Variants in USP31 observed in about 807,000 individuals in gnomAD.
The protein encoded by USP31 is ubiquitin specific peptidase 31, also known as ubiquitin carboxyl-terminal hydrolase 31.
In USP31, 44 loss-of-function variants were observed where a neutral mutation model predicts 119.4. The ratio of observed to expected loss-of-function variants is 0.37; its 90% CI spans 0.29 to 0.47. The LOEUF is 0.47. USP31 is among the 20% of genes least tolerant of loss of function. USP31 has a pLI of 0.99. For synonymous variants in USP31, 749 were observed against 705.6 expected (o/e 1.06, Z -0.97); for missense variants, 1,643 against 1,730.2 (o/e 0.95, Z 0.89).
Position 23,069,218 on chromosome 16 carries a change from C to T in USP31, c.2887G>A (p.Val963Ile), listed in dbSNP as rs752159441. The T allele has an allele frequency of 5.6e-6, 9 of 1,614,082 alleles. No homozygotes were observed. The highest frequency in any genetic ancestry group is 2.2e-5 in the East Asian group (1 of 44,894). ...SDTRRLNSSV[V>I]DTQSKHSAQG... ...GCTGAATGTTTGCTCTGTGTATCTA[C>T]GACACTGGAGTTCAATCTGCGGGTG... Residue 963 changes from valine to isoleucine, a missense_variant, in exon 16 of 16, where the codon GTA becomes ATA. Physicochemically the swap from Val to Ile is conservative, Grantham distance 29. Transcript: ENST00000219689.
Position 23,102,368 on chromosome 16 carries a change from G to T in USP31, c.1185C>A (p.Ala395=). 1 of 1,613,652 alleles carries T rather than the reference G, an allele frequency of 6.2e-7. No individual in the cohort carries two copies. The highest frequency in any genetic ancestry group is 1.1e-5 in the South Asian group (1 of 91,052). ...GCCTAAATATTTCGGGAGTCTCAAA[G>T]GCAAAAATGCAGTCGCTTTCATGGA... ...ETVHESDCIF[A]FETPEIFRPE... is the part of the protein sequence containing the mutation. The change falls in exon 6 of 16, where the codon GCC becomes GCA. Residue 395 remains alanine (A), a synonymous_variant. Transcript: ENST00000219689.
At chr16:23,146,696 C>G (rs192058351) in intron 1 of USP31, among the ~76,000 whole-genome samples, 1 of 151,854 alleles carries the variant, frequency 6.6e-6, no homozygotes. Flanking sequence ...AAGTATTAAA[C>G]GGGGAGAGAT....
chr16:23,122,820 G>T (rs191092017), intron 1 of USP31, among the ~76,000 whole-genome samples: 1 of 152,086 alleles, frequency 6.6e-6, no homozygotes, highest in African/African-American at 2.4e-5. Flanking sequence ...CTGCTAATGA[G>T]TATGGGGTTT....
intron 1 of USP31, among the ~76,000 whole-genome samples, chr16:23,129,436 G>A (rs1214847737): frequency 3.3e-5 from 5 of 152,018 alleles, no homozygotes; most frequent in Admixed American, 2.0e-4. Context: ...GCAGACAATG[G>A]CATTATCATT....
intron 1 of USP31, among the ~76,000 whole-genome samples, chr16:23,127,871 G>C (rs897646029): frequency 6.6e-6 from 1 of 152,052 alleles, no homozygotes; most frequent in Non-Finnish European, 1.5e-5. Flanking sequence ...TGTACCATAC[G>C]GTCCTAGTAG....
chr16:23,089,055 T>C (rs1373419400), intron 7 of USP31, among the ~76,000 whole-genome samples: 3 of 152,202 alleles, frequency 2.0e-5, no homozygotes, highest in Admixed American at 6.5e-5. Context: ...CACCCAACCA[T>C]ATTTTTTTAA....
chr16:23,102,625 C>G (rs547789791), intron 5 of USP31, among the ~76,000 whole-genome samples, 162 bp from the exon 6 acceptor site: 1 of 152,294 alleles, frequency 6.6e-6, no homozygotes, highest in South Asian at 2.1e-4. Context: ...CCTGGAAGCA[C>G]AGTACCCTCT....
Position 23,068,586 on chromosome 16 carries a change from G to A in USP31, c.3519C>T (p.Thr1173=). ...LGSDRASATS[T]SKPNSPRVSQ... ...TCACCCGAGGGGAATTGGGTTTGGA[G>A]GTGGAGGTGGCGCTGGCTCTGTCAG... Residue 1173 remains threonine (T), a synonymous_variant, in exon 16 of 16, where the codon ACC becomes ACT. Coordinates refer to ENST00000219689, the MANE Select transcript of USP31 (RefSeq NM_020718.4). The A allele has an allele frequency of 1.2e-6, 2 of 1,614,204 alleles. No homozygotes were observed. Among genetic ancestry groups the A allele is most frequent in the Non-Finnish European group, 1.7e-6 (2 of 1,180,046 alleles).
At chr16:23,143,059 T>A (rs531836976) in intron 1 of USP31, among the ~76,000 whole-genome samples, 7 of 152,140 alleles carry the variant, frequency 4.6e-5, no homozygotes, top group Non-Finnish European at 8.8e-5. Flanking sequence ...TCACCACTAG[T>A]CTCTTATACA....
intron 2 of USP31, 142 bp downstream of exon 2, chr16:23,107,904 T>G: frequency 1.0e-6 from 1 of 992,218 alleles, no homozygotes; most frequent in East Asian, 2.9e-5. Context: ...AAATGAAATG[T>G]CCTTTAAGTA....
At chr16:23,071,902 C>T (rs1900362741) in intron 15 of USP31, 143 bp downstream of exon 15, 1 of 1,147,708 alleles carries the variant, frequency 8.7e-7, no homozygotes, top group Middle Eastern at 2.0e-4. Context: ...TCATAACTCA[C>T]AGCTACACAG....
At position 23,065,577 on chromosome 16, in the gene USP31, C is replaced by G. The variant is rs185878722; in HGVS notation, c.*2469G>C. On this transcript the variant is annotated 3_prime_UTR_variant, in exon 16 of 16. Coordinates refer to ENST00000219689, the MANE Select transcript of USP31 (RefSeq NM_020718.4). The stretch of plus-strand genomic sequence containing the variant: ...ATGATGTCTAGACAATGCCATGATA[C>G]TTCCTGATTTTTTCTATTAAACCTG... 6.6e-6 allele frequency: 1 copy of G among 152,652 alleles called. No homozygotes were observed. The highest frequency in any genetic ancestry group is 6.5e-5 in the Admixed American group (1 of 15,296). The allele number at this position is 152,652 out of a possible 1,614,324, so 9.5% of individuals were successfully genotyped here.
rs929543600 is a variant in USP31, at chr16:23,062,640, C to T, written c.*5406G>A. 2.0e-5 allele frequency: 3 copies of T among 152,426 alleles called. No homozygotes were observed. The highest frequency in any genetic ancestry group is 7.2e-5 in the African/African-American group (3 of 41,436). The allele number at this position is 152,426 out of a possible 1,614,324, so 9.4% of individuals were successfully genotyped here. A position where few individuals can be genotyped will look rare whatever the true frequency, so the allele number is the denominator to read the frequency against. On this transcript the variant is annotated 3_prime_UTR_variant, in exon 16 of 16. Coordinates refer to ENST00000219689, the MANE Select transcript of USP31 (RefSeq NM_020718.4). ...AGCTCAGAGTGACTTCCCTATTCCC[C>T]CACGGGCCTGGGGAAAAGGTTCTGG...
At position 23,087,844 on chromosome 16, in the gene USP31, C is replaced by T. The variant is rs1901176689; in HGVS notation, c.1416-9G>A. 1 of 1,607,892 alleles carries T rather than the reference C, an allele frequency of 6.2e-7. No individual in the cohort carries two copies. The highest frequency in any genetic ancestry group is 8.5e-7 in the Non-Finnish European group (1 of 1,175,492). On this transcript the variant is annotated splice_polypyrimidine_tract_variant and intron_variant, in intron 7 of 15. Coordinates refer to ENST00000219689, the MANE Select transcript of USP31 (RefSeq NM_020718.4). ...CAAAAGGCAGTCCAAATCTAACACA[C>T]ATCAACAATGTAATCACCTTTAAAG... is the stretch of plus-strand genomic sequence containing the variant.
intron 11 of USP31, among the ~76,000 whole-genome samples, chr16:23,083,267 G>A (rs143659321): frequency 1.7e-4 from 26 of 152,224 alleles, no homozygotes; most frequent in African/African-American, 6.3e-4. Flanking sequence ...AGCCATACTG[G>A]CTTCATTTCT....
intron 1 of USP31, among the ~76,000 whole-genome samples, chr16:23,137,998 G>A (rs983012959): frequency 4.6e-5 from 7 of 152,000 alleles, no homozygotes; most frequent in Non-Finnish European, 8.8e-5. Flanking sequence ...ATAAAATATC[G>A]TAAGCGGACA....
rs1247798856 is a variant in USP31 at position 23,067,066 on chromosome 16, T to G, written c.*980A>C. On this transcript the variant is annotated 3_prime_UTR_variant, in exon 16 of 16. Transcript: ENST00000219689. ...CCACAGACACAGGGCATCGTGGAGC[T>G]TCCCACCTCTAACGGAAAAATGCAA... 6.6e-6 allele frequency: 1 copy of G among 152,236 alleles called. No individual in the cohort carries two copies. The highest frequency in any genetic ancestry group is 1.9e-4 in the East Asian group (1 of 5,196). The allele number at this position is 152,236 out of a possible 1,614,324, so 9.4% of individuals were successfully genotyped here. A position where few individuals can be genotyped will look rare whatever the true frequency, so the allele number is the denominator to read the frequency against.
At chr16:23,129,363 T>G (rs1353141191) in intron 1 of USP31, among the ~76,000 whole-genome samples, 4 of 152,200 alleles carry the variant, frequency 2.6e-5, no homozygotes, top group African/African-American at 9.7e-5. Flanking sequence ...CATATATATG[T>G]GTGTGACAGA....
intron 1 of USP31, among the ~76,000 whole-genome samples, chr16:23,121,348 G>A (rs1902662936): frequency 6.6e-6 from 1 of 152,010 alleles, no homozygotes; most frequent in Non-Finnish European, 1.5e-5. Context: ...TTTCAATCCT[G>A]GACACAAGAA....
Sources: allele counts gnomAD v4.1 joint callset (sites outside exome capture counted in the v4.1 genomes callset), GRCh38; gene constraint gnomAD v4.1.1; transcripts MANE v1.5; gene names NCBI Gene and HGNC (gene_info 2026-07-23, HGNC 2026-07-21).